Variants in UGT1A9 observed in about 807,000 individuals in gnomAD.
UGT1A9 encodes UDP-glucuronosyltransferase 1A9.
UGT1A9 carries 35 observed loss-of-function variants against 45.0 expected under a neutral mutation model. The ratio of observed to expected loss-of-function variants is 0.78; its 90% CI spans 0.59 to 1.03. The LOEUF is 1.03. Ranked by LOEUF, UGT1A9 falls within the 50% of genes least tolerant of loss-of-function variation. UGT1A9 has a pLI of 0.00. For missense variants in UGT1A9, 687 were observed against 666.6 expected (o/e 1.03, Z -0.34); for synonymous variants, 278 against 250.6 (o/e 1.11, Z -1.03).
At chr2:233,689,645 A>G (rs2074951924) in intron 1 of UGT1A9, among the ~76,000 whole-genome samples, 1 of 152,200 alleles carries the variant, frequency 6.6e-6, no homozygotes, top group African/African-American at 2.4e-5. Flanking sequence ...GCTCTTGCTC[A>G]TGAGTGTGAC....
Position 233,672,680 on chromosome 2 carries a change from C to A in UGT1A9, c.746C>A (p.Ser249Ter). 1.2e-6 allele frequency: 2 copies of A among 1,613,932 alleles called. No homozygotes were observed. Among genetic ancestry groups the A allele is most frequent in the Non-Finnish European group, 1.7e-6 (2 of 1,179,844 alleles). Residue 249 changes from serine to a stop codon, truncating the protein, a stop_gained, in exon 1 of 5, where the codon TCA becomes TAA. Coordinates refer to ENST00000354728, the MANE Select transcript of UGT1A9 (RefSeq NM_021027.3). LOFTEE classifies it high-confidence loss of function. ...VTEYDLYSHT[S>*]IWLLRTDFVL... ...GAGTATGATCTCTACAGCCACACAT[C>A]AATTTGGTTGTTGCGAACGGACTTT...
Position 233,767,173 on chromosome 2 carries a change from G to T in UGT1A9, c.987+8G>T. 1.2e-6 allele frequency: 2 copies of T among 1,614,058 alleles called. No individual in the cohort carries two copies. The highest frequency in any genetic ancestry group is 1.7e-6 in the Non-Finnish European group (2 of 1,180,002). ...GGCAAAATCCCTCAGACAGTAAGAA[G>T]ATTCTATACCATGGCCTCATATCTA... On this transcript the variant is annotated splice_region_variant and intron_variant, in intron 2 of 4. Coordinates refer to ENST00000354728, the MANE Select transcript of UGT1A9 (RefSeq NM_021027.3).
chr2:233,672,615 C>A lies in UGT1A9; in HGVS notation c.681C>A (p.Ala227=). ...HLLCHRFFKN[A]LEIASEILQT... is the part of the protein sequence containing the mutation. ...TATGCCACCGTTTTTTCAAAAATGC[C>A]CTAGAAATAGCCTCTGAAATTCTCC... is the stretch of plus-strand genomic sequence containing the variant. Residue 227 remains alanine, a synonymous_variant, in exon 1 of 5, where the codon GCC becomes GCA. Transcript: ENST00000354728. 6.2e-7 allele frequency: 1 copy of A among 1,613,744 alleles called. No individual in the cohort carries two copies. The highest frequency in any genetic ancestry group is 8.5e-7 in the Non-Finnish European group (1 of 1,179,776).
intron 1 of UGT1A9, chr2:233,717,851 C>G (rs1207053038): frequency 2.2e-6 from 1 of 455,084 alleles, no homozygotes; most frequent in Non-Finnish European, 4.4e-6. Flanking sequence ...CTTATCAGAA[C>G]TTGGTGCTGG....
intron 1 of UGT1A9, among the ~76,000 whole-genome samples, chr2:233,677,531 G>C (rs577920647): frequency 5.6e-4 from 85 of 152,158 alleles, no homozygotes; most frequent in Non-Finnish European, 1.0e-3. Flanking sequence ...AATGCAGCTA[G>C]CTAGAGAAAA....
At chr2:233,676,044 A>G (rs377509485) in intron 1 of UGT1A9, among the ~76,000 whole-genome samples, 11 of 152,298 alleles carry the variant, frequency 7.2e-5, no homozygotes, top group East Asian at 5.8e-4. Flanking sequence ...TCCTTGGCCA[A>G]TTGACTAGGT....
chr2:233,722,246 G>C (rs1029128389), intron 1 of UGT1A9, among the ~76,000 whole-genome samples: 4 of 152,178 alleles, frequency 2.6e-5, no homozygotes, highest in Non-Finnish European at 4.4e-5. Context: ...TATTATCTGT[G>C]ACAGACACGC....
intron 1 of UGT1A9, among the ~76,000 whole-genome samples, chr2:233,746,990 A>G (rs971804174): frequency 6.6e-6 from 1 of 151,860 alleles, no homozygotes. Context: ...GCAGGGTCAG[A>G]TGAGTTTTTC....
chr2:233,743,731 G>A (rs373030535), intron 1 of UGT1A9: 15 of 1,367,244 alleles, frequency 1.1e-5, no homozygotes, highest in Middle Eastern at 2.1e-4. Flanking sequence ...CATAGATATC[G>A]CGTTTCTTGG....
At chr2:233,718,622 T>C (rs2125661272) in intron 1 of UGT1A9, 2 of 893,490 alleles carry the variant, frequency 2.2e-6, no homozygotes, top group Non-Finnish European at 2.7e-6. Flanking sequence ...TAGGCGTGAT[T>C]GGTCTTTCCC....
At chr2:233,758,159 G>T (rs1281366344) in intron 1 of UGT1A9, among the ~76,000 whole-genome samples, 1 of 152,206 alleles carries the variant, frequency 6.6e-6, no homozygotes, top group African/African-American at 2.4e-5. Context: ...AATGGGTTCT[G>T]CTTTGGTTTC....
chr2:233,731,781 A>G (rs2078203894), intron 1 of UGT1A9, among the ~76,000 whole-genome samples: 1 of 152,164 alleles, frequency 6.6e-6, no homozygotes, highest in Admixed American at 6.5e-5. Context: ...ATCATTTATA[A>G]TCGTTTGGGT....
intron 1 of UGT1A9, among the ~76,000 whole-genome samples, chr2:233,757,184 G>A (rs1386483916): frequency 6.6e-6 from 1 of 151,202 alleles, no homozygotes; most frequent in Non-Finnish European, 1.5e-5. Context: ...CAAGGCAGAG[G>A]ACTCTGAATT....
chr2:233,680,077 A>C (rs1225701649), intron 1 of UGT1A9, among the ~76,000 whole-genome samples: 2 of 148,408 alleles, frequency 1.3e-5, no homozygotes, highest in African/African-American at 2.5e-5. Flanking sequence ...ATCTTCATTG[A>C]TTTTGAAATG....
chr2:233,674,605 A>G (rs2074289784), intron 1 of UGT1A9, among the ~76,000 whole-genome samples: 1 of 152,042 alleles, frequency 6.6e-6, no homozygotes, highest in Non-Finnish European at 1.5e-5. Context: ...AAAATATGAA[A>G]CATCAAACTA....
At chr2:233,726,769 C>T (rs751538762) in intron 1 of UGT1A9, among the ~76,000 whole-genome samples, 7 of 152,200 alleles carry the variant, frequency 4.6e-5, no homozygotes, top group Non-Finnish European at 8.8e-5. Context: ...AGACACTAAG[C>T]TTAAAGTGAA....
Position 233,672,765 on chromosome 2 carries a change from C to T in UGT1A9, c.831C>T (p.Cys277=), listed in dbSNP as rs763206474. The T allele has an allele frequency of 2.1e-5, 34 of 1,613,614 alleles. No homozygotes were observed. The highest frequency in any genetic ancestry group is 6.7e-5 in the African/African-American group (5 of 74,904). Residue 277 remains cysteine (C), a synonymous_variant, in exon 1 of 5, where the codon TGC becomes TGT. Transcript: ENST00000354728. ...TGATCTTCATTGGTGGTATCAACTG[C>T]CATCAGGGAAAGCCGTTGCCTATGG... ...PNMIFIGGIN[C]HQGKPLPMEF...
chr2:233,768,376 A>G lies in UGT1A9; in HGVS notation c.1232A>G (p.Asn411Ser). The G allele has an allele frequency of 6.2e-7, 1 of 1,614,182 alleles. No homozygotes were observed. The highest frequency in any genetic ancestry group is 8.5e-7 in the Non-Finnish European group (1 of 1,180,034). ...ACTAAGGGAGCTGGAGTGACCCTGA[A>G]TGTTCTGGAAATGACTTCTGAAGAT... is the stretch of plus-strand genomic sequence containing the variant. ...METKGAGVTLNVLEMTSEDLE... is the reference protein window; with the variant it reads ...METKGAGVTLSVLEMTSEDLE... Residue 411 changes from asparagine (N) to serine (S), a missense_variant, in exon 4 of 5, where the codon AAT becomes AGT. Physicochemically the swap from Asn to Ser is conservative, Grantham distance 46 (BLOSUM62 1). Transcript: ENST00000354728.
intron 1 of UGT1A9, chr2:233,729,673 A>C: frequency 3.1e-6 from 5 of 1,613,898 alleles, no homozygotes; most frequent in Non-Finnish European, 4.2e-6. Context: ...TTTAGACTTT[A>C]AGGGCACACA....
Sources: allele counts gnomAD v4.1 joint callset (sites outside exome capture counted in the v4.1 genomes callset), GRCh38; gene constraint gnomAD v4.1.1; transcripts MANE v1.5; gene names NCBI Gene and HGNC (gene_info 2026-07-23, HGNC 2026-07-21).